The following ASCC3 variants were observed in gnomAD, a reference collection of about 807,000 sequenced individuals.
ASCC3 encodes ASC-1 complex subunit P200.
In ASCC3, 158 loss-of-function variants were observed where a neutral mutation model predicts 256.3. That is an observed-to-expected ratio of 0.62 (90% confidence interval 0.54 to 0.70). The LOEUF is 0.70. ASCC3 is among the 30% of genes least tolerant of loss of function. The probability of loss-of-function intolerance (pLI) is 0.00; values close to 1 mark genes in which losing one functional copy is unlikely to be tolerated. For missense variants in ASCC3, 2,259 were observed against 2,626.0 expected (o/e 0.86, Z 3.05); for synonymous variants, 948 against 883.4 (o/e 1.07, Z -1.30).
In ASCC3 at chr6:100,629,124, G is replaced by A. The variant is rs779249044; in HGVS notation, c.4266C>T (p.Asp1422=). Residue 1422 remains aspartate (D), a synonymous_variant, in exon 27 of 42, where the codon GAC becomes GAT. Coordinates refer to ENST00000369162, the MANE Select transcript of ASCC3 (RefSeq NM_006828.4). ...ACTTCTCTGGCGTAGTGACGATAAG[G>A]TCAGCCTTGGCAATGGATTTCATAT... The part of the protein sequence containing the change: ...TPDMKSIAKA[D]LIVTTPEKWD... 3 of 1,613,754 alleles carry A rather than the reference G, an allele frequency of 1.9e-6. No homozygotes were observed. Among genetic ancestry groups the A allele is most frequent in the African/African-American group, 1.3e-5 (1 of 74,992 alleles).
intron 36 of ASCC3, among the ~76,000 whole-genome samples, chr6:100,568,318 A>C (rs1328849035): frequency 1.3e-5 from 2 of 151,550 alleles, no homozygotes; most frequent in Admixed American, 1.3e-4. Flanking sequence ...CAGTGAGCAG[A>C]GATCACGCCA....
intron 30 of ASCC3, 85 bp from the exon 31 acceptor site, chr6:100,607,173 T>C: frequency 7.0e-7 from 1 of 1,420,528 alleles, no homozygotes; most frequent in Non-Finnish European, 9.8e-7. Flanking sequence ...AACATTAATT[T>C]TGTCTTTATG....
chr6:100,534,967 G>T (rs922688485), intron 37 of ASCC3, among the ~76,000 whole-genome samples: 1 of 152,158 alleles, frequency 6.6e-6, no homozygotes, highest in African/African-American at 2.4e-5. Flanking sequence ...ATGATAAAGC[G>T]AGGAAATAAA....
intron 12 of ASCC3, 23 bp from the exon 13 acceptor site, chr6:100,715,556 A>C (rs1320187233): frequency 1.3e-6 from 2 of 1,591,490 alleles, no homozygotes; most frequent in Non-Finnish European, 1.7e-6. Context: ...AAAACATAAA[A>C]AAAATCATGT....
At chr6:100,584,889 A>G (rs1399743891) in intron 36 of ASCC3, among the ~76,000 whole-genome samples, 3 of 151,302 alleles carry the variant, frequency 2.0e-5, no homozygotes, top group East Asian at 3.9e-4. Flanking sequence ...AATTCTTTTA[A>G]GAATGTTGAA....
At chr6:100,586,014 C>G (rs1235330375) in intron 36 of ASCC3, among the ~76,000 whole-genome samples, 1 of 152,208 alleles carries the variant, frequency 6.6e-6, no homozygotes, top group Non-Finnish European at 1.5e-5. Context: ...CCCAGTTAGG[C>G]TGCTCGGGGG....
At chr6:100,608,087 TA>T (rs1562160932) in intron 30 of ASCC3, among the ~76,000 whole-genome samples, 4 of 130,310 alleles carry the variant, frequency 3.1e-5, no homozygotes, top group South Asian at 2.2e-4. Flanking sequence ...TATGTATATA[TA>T]TCTATATACA....
chr6:100,800,428 T>C lies in ASCC3; in HGVS notation c.999A>G (p.Glu333=). 3 of 1,612,782 alleles carry C rather than the reference T, an allele frequency of 1.9e-6. No homozygotes were observed. The highest frequency in any genetic ancestry group is 2.5e-6 in the Non-Finnish European group (3 of 1,179,270). The part of the protein sequence containing the change: ...GCQVTIQSEQ[E]KQLMKQYRRE... ...GTCGATATTGTTTCATTAACTGCTTTTCTTGTTCAGACTGAATAGTGACTT... is the reference window on the plus strand; with the variant it reads ...GTCGATATTGTTTCATTAACTGCTTCTCTTGTTCAGACTGAATAGTGACTT... The change falls in exon 6 of 42, where the codon GAA becomes GAG. Residue 333 remains glutamate, a synonymous_variant. Transcript: ENST00000369162.
intron 37 of ASCC3, among the ~76,000 whole-genome samples, chr6:100,523,522 G>A (rs1035817834): frequency 1.3e-5 from 2 of 152,130 alleles, no homozygotes; most frequent in Non-Finnish European, 2.9e-5. Context: ...AGGGGCTTCC[G>A]CTGGTCTCCT....
chr6:100,735,173 C>T (rs1162693869), intron 10 of ASCC3, among the ~76,000 whole-genome samples: 3 of 152,000 alleles, frequency 2.0e-5, no homozygotes, highest in South Asian at 2.1e-4. Flanking sequence ...AAATATTCCC[C>T]GAGTGATCTG....
At chr6:100,565,373 C>T (rs1582458060) in intron 36 of ASCC3, among the ~76,000 whole-genome samples, 2 of 152,174 alleles carry the variant, frequency 1.3e-5, no homozygotes, top group Non-Finnish European at 1.5e-5. Context: ...TGCAAAGCGT[C>T]TTAGTGAAGG....
intron 34 of ASCC3, among the ~76,000 whole-genome samples, chr6:100,592,913 A>T (rs1772080454): frequency 1.3e-5 from 2 of 152,138 alleles, no homozygotes; most frequent in South Asian, 4.1e-4. Flanking sequence ...TTTTATGTTC[A>T]CTGCATTGAA....
chr6:100,613,281 T>C (rs749082587), intron 30 of ASCC3, among the ~76,000 whole-genome samples: 26 of 152,032 alleles, frequency 1.7e-4, no homozygotes, highest in Non-Finnish European at 2.8e-4. Flanking sequence ...GTCTCCATTG[T>C]ATATTATTCC....
chr6:100,649,658 A>G (rs1775558703), intron 20 of ASCC3, among the ~76,000 whole-genome samples: 1 of 151,640 alleles, frequency 6.6e-6, no homozygotes, highest in Non-Finnish European at 1.5e-5. Flanking sequence ...TAACACAAAC[A>G]TTCTTTTTCT....
intron 25 of ASCC3, among the ~76,000 whole-genome samples, chr6:100,633,308 T>G (rs1774651068): frequency 6.6e-6 from 1 of 152,116 alleles, no homozygotes; most frequent in Non-Finnish European, 1.5e-5. Flanking sequence ...AGTCACTTAG[T>G]AACTGTCTTG....
rs1015511499 is a variant in ASCC3, at chr6:100,655,660, G to C, written c.2823+39C>G. The C allele has an allele frequency of 6.3e-6, 10 of 1,598,434 alleles. No homozygotes were observed. In the African/African-American group the frequency reaches 1.2e-4, roughly 19 times the overall value. On this transcript the variant is annotated intron_variant, in intron 17 of 41. Transcript: ENST00000369162. ...CCTCATATCATGAAAGAACCAAAAA[G>C]AAGGTCTGAATTTTTTTTTTAATAA...
At chr6:100,527,192 C>T (rs1774617595) in intron 37 of ASCC3, among the ~76,000 whole-genome samples, 1 of 152,108 alleles carries the variant, frequency 6.6e-6, no homozygotes, top group Non-Finnish European at 1.5e-5. Context: ...AGTATTAATG[C>T]TCATAGTTCC....
rs778811575 is a variant in ASCC3, at chr6:100,661,796, T to G, written c.2703+10A>C. 11 of 1,611,302 alleles carry G rather than the reference T, an allele frequency of 6.8e-6. No individual in the cohort carries two copies. Among genetic ancestry groups the G allele is most frequent in the South Asian group, 1.1e-5 (1 of 91,028 alleles). The stretch of plus-strand genomic sequence containing the variant: ...GATTCTATTCCAAACTTTTACTCAT[T>G]AGATCTTACCTCTGCATTTAGGTTA... On this transcript the variant is annotated intron_variant, in intron 16 of 41. Coordinates refer to ENST00000369162, the MANE Select transcript of ASCC3 (RefSeq NM_006828.4).
intron 4 of ASCC3, among the ~76,000 whole-genome samples, chr6:100,838,599 T>A (rs1245570717): frequency 2.6e-5 from 4 of 152,026 alleles, no homozygotes; most frequent in Non-Finnish European, 4.4e-5. Context: ...TACACAACAA[T>A]TTACAAAGCT....
Sources: gnomAD v4.1 joint callset for allele counts (sites outside exome capture counted in the v4.1 genomes callset) on GRCh38, gnomAD v4.1.1 for gene constraint, MANE v1.5 for transcripts, NCBI Gene and HGNC (gene_info 2026-07-23, HGNC 2026-07-21) for gene names.